CFAP20DC: variants seen among roughly 807,000 people sequenced by gnomAD.
The protein encoded by CFAP20DC is CFAP20 domain containing.
In CFAP20DC, 84 loss-of-function variants were observed where a neutral mutation model predicts 101.7. The observed-to-expected ratio is 0.83, with a 90% confidence interval of 0.69 to 0.99. CFAP20DC has a LOEUF of 0.99. Ranked by LOEUF, CFAP20DC falls within the 50% of genes least tolerant of loss-of-function variation. The pLI is 0.00. For missense variants in CFAP20DC, 1,007 were observed against 970.3 expected, an observed-to-expected ratio of 1.04 and a Z score of -0.50; for synonymous variants, 359 against 351.2, an observed-to-expected ratio of 1.02 and a Z score of -0.25.
chr3:58,849,332 C>T lies in CFAP20DC; in HGVS notation c.1671G>A (p.Leu557=), dbSNP rs1346024826. The change falls in exon 13 of 17, where the codon CTG becomes CTA. Residue 557 remains leucine, a synonymous_variant. Transcript: ENST00000482387. ...TTGTCCGCTTTGCAGCCTTCCCCAG[C>T]AGGCTCTCTAATGTTAACTGAGTTA... ...SELTQLTLES[L]LGKAAKRTSK... 2.8e-5 allele frequency: 43 copies of T among 1,535,990 alleles called. No individual in the cohort carries two copies. The highest frequency in any genetic ancestry group is 3.7e-5 in the Non-Finnish European group (42 of 1,146,770).
At chr3:58,812,564 G>A (rs891218500) in intron 14 of CFAP20DC, among the ~76,000 whole-genome samples, 6 of 151,622 alleles carry the variant, frequency 4.0e-5, no homozygotes, top group Non-Finnish European at 8.8e-5. Context: ...GTGGGGTGGG[G>A]GGAGCGGGGA....
chr3:59,020,421 G>A (rs2093780197), intron 4 of CFAP20DC, among the ~76,000 whole-genome samples: 1 of 152,006 alleles, frequency 6.6e-6, no homozygotes, highest in Non-Finnish European at 1.5e-5. Flanking sequence ...CTTGACTCTT[G>A]TTTACTCAAA....
In CFAP20DC at chr3:58,729,393, TTG is replaced by T. The variant is rs1168821634; in HGVS notation, c.198-11767_198-11766del. 6.6e-6 allele frequency among the ~76,000 whole-genome samples: 1 copy of T among 152,218 alleles called. No homozygotes were observed. Among genetic ancestry groups the T allele is most frequent in the Non-Finnish European group, 1.5e-5 (1 of 68,040 alleles). ...GTATACTTTAAATTTTATTAATATT[TTG>T]TGTCTTGTATACAGTAAAACAATTG... On this transcript the variant is annotated intron_variant, in intron 3 of 3. Transcript: ENST00000486145. The surrounding 1 kb of genome is among the most constrained non-coding windows in gnomAD (Gnocchi z 4.4).
chr3:58,824,687 A>G (rs1458225219), intron 14 of CFAP20DC: 3 of 152,210 alleles, frequency 2.0e-5, no homozygotes, highest in African/African-American at 4.8e-5. Context: ...ATATGCCTGC[A>G]GTTTTATTAA....
chr3:58,834,018 T>C (rs2076571892), intron 13 of CFAP20DC, among the ~76,000 whole-genome samples: 1 of 152,192 alleles, frequency 6.6e-6, no homozygotes. Flanking sequence ...AGAAAATAGA[T>C]TAGCGGATGG....
In CFAP20DC at chr3:58,868,303, A is replaced by G. The variant is rs1248309932; in HGVS notation, c.1016-367T>C. 6.6e-6 allele frequency among the ~76,000 whole-genome samples: 1 copy of G among 152,212 alleles called. No homozygotes were observed. Among genetic ancestry groups the G allele is most frequent in the Non-Finnish European group, 1.5e-5 (1 of 68,008 alleles). ...TAAAAGAGGAAGTGTCGATAACTAT[A>G]CTTTCAACAAGAGCATAGAGAGCAG... On this transcript the variant is annotated intron_variant, in intron 9 of 16. Coordinates refer to ENST00000482387, the MANE Select transcript of CFAP20DC (RefSeq NM_001394063.1). This position sits in a 1 kb window ranked among gnomAD's most constrained non-coding sequence, Gnocchi z 4.6.
intron 12 of CFAP20DC, among the ~76,000 whole-genome samples, chr3:58,860,232 T>C (rs1559722397): frequency 6.8e-6 from 1 of 147,950 alleles, no homozygotes; most frequent in Non-Finnish European, 1.5e-5. Context: ...CTCAAGTATG[T>C]AGGGGTGAGT....
chr3:59,043,742 A>G (rs1699619394), intron 3 of CFAP20DC, among the ~76,000 whole-genome samples: 1 of 152,150 alleles, frequency 6.6e-6, no homozygotes, highest in South Asian at 2.1e-4. Flanking sequence ...GCTGCTCCTC[A>G]TATGGGCAAC....
chr3:58,822,812 C>G (rs1322959309), intron 14 of CFAP20DC, among the ~76,000 whole-genome samples: 1 of 152,110 alleles, frequency 6.6e-6, no homozygotes, highest in African/African-American at 2.4e-5. Flanking sequence ...AGGAAGGTCA[C>G]TCTCACCTTC....
chr3:58,890,264 AG>A (rs1274953079), intron 6 of CFAP20DC, among the ~76,000 whole-genome samples: 4 of 147,078 alleles, frequency 2.7e-5, no homozygotes, highest in Non-Finnish European at 6.0e-5. Flanking sequence ...CGCCGGGCAG[AG>A]GCACCCCTCA....
At chr3:58,927,571 T>C (rs1434146604) in intron 5 of CFAP20DC, among the ~76,000 whole-genome samples, 1 of 152,224 alleles carries the variant, frequency 6.6e-6, no homozygotes, top group African/African-American at 2.4e-5. Context: ...AAATCTGACC[T>C]TTTTCAAGGA....
At position 58,859,713 on chromosome 3, in the gene CFAP20DC, T is replaced by C. The variant is rs1458073221; in HGVS notation, c.1593+3845A>G. On this transcript the variant is annotated intron_variant, in intron 12 of 16. Coordinates refer to ENST00000482387, the MANE Select transcript of CFAP20DC (RefSeq NM_001394063.1). This position sits in a 1 kb window ranked among gnomAD's most constrained non-coding sequence, Gnocchi z 4.1. ...ATGTTATGTTCTAATTCATAATACA[T>C]AGGAATAAAAATGCAAGGCAGTATA... Among the ~76,000 whole-genome samples, 1 of 152,176 alleles carries C rather than the reference T, an allele frequency of 6.6e-6. No homozygotes were observed. Among genetic ancestry groups the C allele is most frequent in the Non-Finnish European group, 1.5e-5 (1 of 68,030 alleles).
chr3:58,832,528 A>G (rs1197939291), intron 13 of CFAP20DC, among the ~76,000 whole-genome samples: 1 of 152,174 alleles, frequency 6.6e-6, no homozygotes, highest in African/African-American at 2.4e-5. Context: ...GAATTTCATC[A>G]TTGTAAACAT....
intron 15 of CFAP20DC, among the ~76,000 whole-genome samples, chr3:58,762,190 C>T (rs1444036846): frequency 6.6e-6 from 1 of 152,092 alleles, no homozygotes. Flanking sequence ...TTGTAGGTCT[C>T]TAAGGACTTG....
At chr3:58,983,370 A>G (rs893238949) in intron 4 of CFAP20DC, among the ~76,000 whole-genome samples, 1 of 152,146 alleles carries the variant, frequency 6.6e-6, no homozygotes, top group Admixed American at 6.5e-5. Flanking sequence ...GATTACTTAA[A>G]CCAGAAGGAA....
At chr3:58,801,696 T>A (rs1028172357) in intron 15 of CFAP20DC, among the ~76,000 whole-genome samples, 1 of 151,866 alleles carries the variant, frequency 6.6e-6, no homozygotes, top group Non-Finnish European at 1.5e-5. Context: ...ACAGGCCAGA[T>A]TGCCTTGGCC....
intron 4 of CFAP20DC, among the ~76,000 whole-genome samples, chr3:58,974,046 C>A (rs2092120115): frequency 6.6e-6 from 1 of 152,066 alleles, no homozygotes; most frequent in Non-Finnish European, 1.5e-5. Context: ...AGCGGGCTAC[C>A]TCCCAGGACA....
At position 58,930,842 on chromosome 3, in the gene CFAP20DC, C is replaced by T. The variant is rs562491899; in HGVS notation, c.393+6806G>A. Among the ~76,000 whole-genome samples, 22 of 152,270 alleles carry T rather than the reference C, an allele frequency of 1.4e-4. 1 individual carries two copies. The East Asian group carries it at 3.3e-3, about 23-fold the overall frequency. On this transcript the variant is annotated intron_variant, in intron 5 of 16. Transcript: ENST00000482387. ...GGTCTACAGCTCCCAGCGTGAGCGA[C>T]GCAGAAGACGGGTGATTTCTGCATT...
At chr3:58,734,572 G>GA (rs1235605460) in intron 3 of CFAP20DC, 5 of 455,322 alleles carry the variant, frequency 1.1e-5, no homozygotes, top group East Asian at 7.0e-5. Context: ...TAAGGTTTTA[G>GA]AAAAAAAACA....
Sources: gnomAD v4.1 joint callset for allele counts (sites outside exome capture counted in the v4.1 genomes callset) on GRCh38, gnomAD v4.1.1 for gene constraint, Gnocchi (gnomAD v3.1) non-coding constraint, MANE v1.5 for transcripts, NCBI Gene and HGNC (gene_info 2026-07-23, HGNC 2026-07-21) for gene names.